The following SEMA5B variants were observed in gnomAD, a reference collection of about 807,000 sequenced individuals.
The protein encoded by SEMA5B is semaphorin-5B.
Under a neutral mutation model 135.0 loss-of-function variants are expected in SEMA5B, and 66 were observed. That is an observed-to-expected ratio of 0.49 (90% confidence interval 0.40 to 0.60). SEMA5B has a LOEUF of 0.60. Ranked by LOEUF, SEMA5B falls within the 20% of genes least tolerant of loss-of-function variation. SEMA5B has a pLI of 0.00. For synonymous variants in SEMA5B, 690 were observed against 639.5 expected (o/e 1.08, Z -1.19); for missense variants, 1,501 against 1,566.3 (o/e 0.96, Z 0.70).
chr3:122,996,063 C>T (rs1942014890), intron 1 of SEMA5B, among the ~76,000 whole-genome samples: 2 of 152,244 alleles, frequency 1.3e-5, no homozygotes, highest in Admixed American at 6.5e-5. Flanking sequence ...CCTTTCCCCT[C>T]TCTGACTCCA....
intron 1 of SEMA5B, among the ~76,000 whole-genome samples, chr3:123,014,448 C>T (rs1942506136): frequency 6.6e-6 from 1 of 152,240 alleles, no homozygotes; most frequent in Non-Finnish European, 1.5e-5. Context: ...ACAAGCTCTT[C>T]ATGAAATCAT....
intron 20 of SEMA5B, 100 bp downstream of exon 20, chr3:122,911,820 G>A: frequency 7.3e-7 from 1 of 1,377,792 alleles, no homozygotes; most frequent in Non-Finnish European, 9.7e-7. Flanking sequence ...TTCATCCTGT[G>A]CCCCCTGCTC....
chr3:123,025,644 T>A (rs1031287071), intron 1 of SEMA5B, among the ~76,000 whole-genome samples: 1 of 152,074 alleles, frequency 6.6e-6, no homozygotes, highest in Non-Finnish European at 1.5e-5. Context: ...GGTGTTGATA[T>A]GGAGAAAAGA....
chr3:122,954,442 T>A lies in SEMA5B; in HGVS notation c.125-5733A>T, dbSNP rs1940191786. ...GTTGGAGTTGTGTCAGACTAGGAGTTGCCAACAGGCATTGCCTCCTCAGTC... is the reference window on the plus strand; with the variant it reads ...GTTGGAGTTGTGTCAGACTAGGAGTAGCCAACAGGCATTGCCTCCTCAGTC... On this transcript the variant is annotated intron_variant, in intron 2 of 22. Transcript: ENST00000357599. Among the ~76,000 whole-genome samples, 3 of 152,262 alleles carry A rather than the reference T, an allele frequency of 2.0e-5. No homozygotes were observed. In the South Asian group the frequency reaches 6.2e-4, roughly 31 times the overall value.
intron 1 of SEMA5B, among the ~76,000 whole-genome samples, chr3:122,979,735 C>T (rs1293329885): frequency 6.6e-6 from 1 of 152,158 alleles, no homozygotes; most frequent in Non-Finnish European, 1.5e-5. Flanking sequence ...TTCCCAAGGC[C>T]GGGACCGTGT....
At chr3:122,997,520 C>CCCCCCG (rs1418797272) in intron 1 of SEMA5B, among the ~76,000 whole-genome samples, 13 of 135,608 alleles carry the variant, frequency 9.6e-5, no homozygotes, top group South Asian at 2.7e-4. Context: ...CAGGCCTCTC[C>CCCCCCG]CCCCCCCGTC....
At position 122,969,438 on chromosome 3, in the gene SEMA5B, C is replaced by T. The variant is rs752273178; in HGVS notation, c.-38-8137G>A. ...AAGCTGAGTCCAGCCCAGTTCCTCT[C>T]CCACTGCCCAGAGCTTCCTCCCTGC... On this transcript the variant is annotated intron_variant, in intron 1 of 22. Transcript: ENST00000357599. 8.9e-4 allele frequency among the ~76,000 whole-genome samples: 135 copies of T among 152,190 alleles called. 3 individuals carry two copies. The highest frequency in any genetic ancestry group is 2.1e-4 in the Non-Finnish European group (14 of 68,030).
chr3:123,021,297 C>T (rs1004764092), intron 1 of SEMA5B, among the ~76,000 whole-genome samples: 2 of 152,212 alleles, frequency 1.3e-5, no homozygotes, highest in Non-Finnish European at 1.5e-5. Context: ...TAAAAGCAGT[C>T]TGCTTTGAGT....
intron 22 of SEMA5B, among the ~76,000 whole-genome samples, chr3:122,910,527 C>T (rs1219423779): frequency 3.3e-5 from 5 of 152,142 alleles, no homozygotes; most frequent in Non-Finnish European, 7.4e-5. Flanking sequence ...AGAAGGCTCC[C>T]GGCCGGGCGC....
intron 1 of SEMA5B, among the ~76,000 whole-genome samples, chr3:123,019,116 T>A (rs2107822546): frequency 6.6e-6 from 1 of 152,242 alleles, no homozygotes; most frequent in Middle Eastern, 3.4e-3. Context: ...GAGGGAATAT[T>A]TGTGAACAAC....
At chr3:123,014,884 T>C (rs1942519699) in intron 1 of SEMA5B, among the ~76,000 whole-genome samples, 1 of 152,142 alleles carries the variant, frequency 6.6e-6, no homozygotes, top group African/African-American at 2.4e-5. Context: ...ATTGCCTTAT[T>C]TGGAAATAGG....
intron 1 of SEMA5B, among the ~76,000 whole-genome samples, chr3:122,964,964 C>T (rs1437181474): frequency 3.3e-5 from 5 of 152,186 alleles, no homozygotes; most frequent in African/African-American, 1.2e-4. Flanking sequence ...ACCAGGAGAA[C>T]AGCCTCCTGG....
intron 1 of SEMA5B, among the ~76,000 whole-genome samples, chr3:122,991,836 G>T (rs572114887): frequency 9.9e-5 from 15 of 152,252 alleles, no homozygotes; most frequent in African/African-American, 3.6e-4. Context: ...CATACTCATG[G>T]TATGAGACTT....
intron 1 of SEMA5B, among the ~76,000 whole-genome samples, chr3:122,973,032 ACAGGTCATT>A (rs1480038036): frequency 6.6e-6 from 1 of 152,204 alleles, no homozygotes; most frequent in Admixed American, 6.5e-5. Context: ...CAGATTAATG[ACAGGTCATT>A]CAGAGTGTCT....
intron 1 of SEMA5B, among the ~76,000 whole-genome samples, chr3:122,973,925 C>T (rs191886491): frequency 1.8e-4 from 28 of 152,304 alleles, no homozygotes; most frequent in Admixed American, 9.8e-4. Context: ...TACTCTGGGT[C>T]CTGCCAGCTC....
intron 12 of SEMA5B, among the ~76,000 whole-genome samples, chr3:122,917,911 C>A (rs1938155331): frequency 6.6e-6 from 1 of 152,170 alleles, no homozygotes; most frequent in Non-Finnish European, 1.5e-5. Context: ...CACATGTACA[C>A]AAGTAGTCCC....
intron 7 of SEMA5B, 73 bp downstream of exon 7, chr3:122,928,444 A>C: frequency 1.2e-5 from 15 of 1,243,840 alleles, no homozygotes; most frequent in Non-Finnish European, 1.6e-5. Context: ...ACCCCCCTTC[A>C]AGGCTGTGTG....
intron 1 of SEMA5B, among the ~76,000 whole-genome samples, chr3:123,010,958 C>T (rs577978994): frequency 2.6e-5 from 4 of 152,274 alleles, no homozygotes; most frequent in Non-Finnish European, 5.9e-5. Flanking sequence ...CTGACAGCCA[C>T]GGGCTCTCTC....
chr3:123,003,155 CAA>C (rs1363151691), intron 1 of SEMA5B, among the ~76,000 whole-genome samples: 1 of 152,008 alleles, frequency 6.6e-6, no homozygotes, highest in African/African-American at 2.4e-5. Flanking sequence ...ACTGAGGACA[CAA>C]AAGTGAATGA....
Sources: allele counts gnomAD v4.1 joint callset (sites outside exome capture counted in the v4.1 genomes callset), GRCh38; gene constraint gnomAD v4.1.1; transcripts MANE v1.5; gene names NCBI Gene and HGNC (gene_info 2026-07-23, HGNC 2026-07-21).